Variants in MROH2B observed in about 807,000 individuals in gnomAD.
MROH2B encodes maestro heat like repeat family member 2B.
A neutral mutation model predicts 208.6 loss-of-function variants in MROH2B; 177 were observed. The observed-to-expected ratio is 0.85, with a 90% CI of 0.75 to 0.96. MROH2B has a LOEUF of 0.96. Among genes scored for constraint, MROH2B ranks in the 40% least tolerant of loss-of-function variants. The pLI is 0.00. For missense variants in MROH2B, 2,002 were observed against 1,878.7 expected (o/e 1.07, Z -1.21); for synonymous variants, 728 against 659.0 (o/e 1.10, Z -1.60).
chr5:41,006,693 G>A (rs1459876651), intron 34 of MROH2B, among the ~76,000 whole-genome samples: 2 of 152,188 alleles, frequency 1.3e-5, no homozygotes, highest in Admixed American at 6.5e-5. Flanking sequence ...CAGCAACCTG[G>A]ATGGAATTGG....
chr5:41,003,618 G>A (rs1158408048), intron 37 of MROH2B, among the ~76,000 whole-genome samples: 2 of 152,116 alleles, frequency 1.3e-5, no homozygotes, highest in African/African-American at 2.4e-5. Flanking sequence ...GATGAATAAT[G>A]AAAGAAATGA....
chr5:41,064,615 A>C, intron 4 of MROH2B, 45 bp from the exon 5 acceptor site: 1 of 1,503,488 alleles, frequency 6.7e-7, no homozygotes, highest in East Asian at 2.3e-5. Flanking sequence ...TTATCTTCTC[A>C]AATTTGGGGT....
chr5:41,030,469 T>G (rs1171194557), intron 24 of MROH2B, among the ~76,000 whole-genome samples: 1 of 151,910 alleles, frequency 6.6e-6, no homozygotes, highest in Admixed American at 6.6e-5. Context: ...AAAGAAATCA[T>G]AGATGACACA....
At position 41,055,773 on chromosome 5, in the gene MROH2B, C is replaced by A; in HGVS notation, c.1002G>T (p.Leu334Phe). ...SNNEAIRVGI[L>F]TLLRLAVNAD... The stretch of plus-strand genomic sequence containing the variant: ...CATTGACAGCCAATCTTAACAAAGT[C>A]AAGATTCCCACTCGAATGGCTTCAT... The change falls in exon 10 of 42, where the codon TTG becomes TTT. Residue 334 changes from leucine to phenylalanine, a missense_variant. Leu to Phe is a conservative substitution (Grantham distance 22). Coordinates refer to ENST00000399564, the MANE Select transcript of MROH2B (RefSeq NM_173489.5). 6.2e-7 allele frequency: 1 copy of A among 1,613,674 alleles called. No individual in the cohort carries two copies. The highest frequency in any genetic ancestry group is 8.5e-7 in the Non-Finnish European group (1 of 1,179,716).
intron 21 of MROH2B, among the ~76,000 whole-genome samples, chr5:41,038,093 C>T (rs1170532861): frequency 6.6e-6 from 1 of 152,080 alleles, no homozygotes; most frequent in African/African-American, 2.4e-5. Flanking sequence ...GGAAACAGTG[C>T]AACACAGGTG....
At chr5:41,001,355 T>C (rs777291234) in intron 37 of MROH2B, among the ~76,000 whole-genome samples, 16 of 152,224 alleles carry the variant, frequency 1.1e-4, no homozygotes, top group African/African-American at 3.4e-4. Flanking sequence ...AGCTCTACTC[T>C]TGAGTATGTG....
intron 40 of MROH2B, among the ~76,000 whole-genome samples, chr5:40,999,106 C>A (rs1422045786): frequency 2.6e-5 from 4 of 152,166 alleles, no homozygotes; most frequent in Non-Finnish European, 5.9e-5. Context: ...TTAGTTGGAA[C>A]AGGCTTCAAA....
intron 9 of MROH2B, among the ~76,000 whole-genome samples, 162 bp from the exon 10 acceptor site, chr5:41,056,017 T>C (rs1280791136): frequency 6.6e-6 from 1 of 152,214 alleles, no homozygotes; most frequent in Non-Finnish European, 1.5e-5. Flanking sequence ...CAGAATTAAT[T>C]GAGCAGTTTT....
chr5:41,000,536 C>A, intron 38 of MROH2B, 142 bp downstream of exon 38: 2 of 1,332,478 alleles, frequency 1.5e-6, no homozygotes, highest in Admixed American at 5.7e-5. Flanking sequence ...GTAAGAAGAA[C>A]CTAGAATTGG....
chr5:41,008,591 T>C lies in MROH2B; in HGVS notation c.3608+15A>G, dbSNP rs1402714731. 2 of 1,612,404 alleles carry C rather than the reference T, an allele frequency of 1.2e-6. No homozygotes were observed. Among genetic ancestry groups the C allele is most frequent in the South Asian group, 2.2e-5 (2 of 90,960 alleles). ...TAGGACCACTGTGGAAGATGCTTCC[T>C]GATTGGCCGTTTACCTGCAGGGGTC... On this transcript the variant is annotated intron_variant, in intron 33 of 41. Transcript: ENST00000399564.
intron 18 of MROH2B, among the ~76,000 whole-genome samples, chr5:41,045,023 T>A (rs542155002): frequency 6.6e-6 from 1 of 152,232 alleles, no homozygotes; most frequent in African/African-American, 2.4e-5. Context: ...ATAAAATAAT[T>A]TACCTGAGGC....
intron 37 of MROH2B, among the ~76,000 whole-genome samples, chr5:41,001,055 G>T (rs990089782): frequency 3.3e-5 from 5 of 152,140 alleles, no homozygotes; most frequent in African/African-American, 1.2e-4. Flanking sequence ...TGGGTCTGGG[G>T]TTTATGTGAT....
At chr5:41,005,434 T>G in intron 35 of MROH2B, 97 bp downstream of exon 35, 2 of 188,578 alleles carry the variant, frequency 1.1e-5, no homozygotes, top group Admixed American at 7.6e-5. Flanking sequence ...CCTTGAAGTC[T>G]CTCTTCCCTG....
intron 18 of MROH2B, among the ~76,000 whole-genome samples, 183 bp from the exon 19 acceptor site, chr5:41,042,391 G>A (rs191076274): frequency 1.2e-3 from 187 of 152,116 alleles, no homozygotes; most frequent in African/African-American, 4.5e-3. Flanking sequence ...CTCCATCTGT[G>A]CCCTCCTATA....
intron 32 of MROH2B, 28 bp downstream of exon 32, chr5:41,009,252 A>G: frequency 6.2e-7 from 1 of 1,612,042 alleles, no homozygotes; most frequent in African/African-American, 1.3e-5. Flanking sequence ...GTCTCAGGCA[A>G]GTGATGGGTT....
At chr5:41,061,543 GC>G in intron 6 of MROH2B, 26 bp downstream of exon 6, 1 of 1,584,596 alleles carries the variant, frequency 6.3e-7, no homozygotes, top group Admixed American at 1.8e-5. Context: ...GGGACATCCA[GC>G]TTGAGGCATC....
At chr5:41,018,290 T>A (rs367822106) in intron 27 of MROH2B, 51 bp downstream of exon 27, 90 of 1,531,936 alleles carry the variant, frequency 5.9e-5, no homozygotes, top group Non-Finnish European at 7.8e-5. Context: ...ATCTCAGAGA[T>A]CCCTGCTGTT....
At chr5:41,018,284 C>G in intron 27 of MROH2B, 57 bp downstream of exon 27, 1 of 1,518,842 alleles carries the variant, frequency 6.6e-7, no homozygotes, top group South Asian at 1.2e-5. Context: ...CCAGAGATCT[C>G]AGAGATCCCT....
At position 41,017,865 on chromosome 5, in the gene MROH2B, G is replaced by T; in HGVS notation, c.2869C>A (p.Leu957Met). Residue 957 changes from leucine (L) to methionine (M), a missense_variant, in exon 28 of 42, where the codon CTG becomes ATG. Physicochemically the swap from Leu to Met is conservative, Grantham distance 15. Coordinates refer to ENST00000399564, the MANE Select transcript of MROH2B (RefSeq NM_173489.5). ...TTTCCCTCACCTTTTATATAGAACA[G>T]ACCAATAGTTGAGCTAGCAGCCGCC... ...RQAAASSTIGLFYIKGIHLEV... is the reference protein window; with the variant it reads ...RQAAASSTIGMFYIKGIHLEV... 1 of 1,595,028 alleles carries T rather than the reference G, an allele frequency of 6.3e-7. No individual in the cohort carries two copies. The highest frequency in any genetic ancestry group is 1.1e-5 in the South Asian group (1 of 87,784).
Sources: allele counts gnomAD v4.1 joint callset (sites outside exome capture counted in the v4.1 genomes callset), GRCh38; gene constraint gnomAD v4.1.1; transcripts MANE v1.5; gene names NCBI Gene and HGNC (gene_info 2026-07-23, HGNC 2026-07-21).